The following ABCA1 variants were observed in gnomAD, a reference collection of about 807,000 sequenced individuals.
The protein encoded by ABCA1 is ATP binding cassette subfamily A member 1, also known as phospholipid-transporting ATPase ABCA1.
Under a neutral mutation model 262.5 loss-of-function variants are expected in ABCA1, and 133 were observed. The observed-to-expected ratio is 0.51, with a 90% CI of 0.44 to 0.59. The LOEUF (loss-of-function observed/expected upper bound fraction) is 0.59, where lower values mean the gene tolerates loss of function less well. ABCA1 is among the 20% of genes least tolerant of loss of function. The pLI, the probability that ABCA1 is intolerant of heterozygous loss-of-function variation, is 0.00. For synonymous variants in ABCA1, 1,022 were observed against 1,043.5 expected, an observed-to-expected ratio of 0.98 and a Z score of 0.40; for missense variants, 2,452 against 2,777.5, an observed-to-expected ratio of 0.88 and a Z score of 2.63.
intron 2 of ABCA1, among the ~76,000 whole-genome samples, chr9:104,893,229 T>C (rs1485997163): frequency 6.6e-6 from 1 of 151,490 alleles, no homozygotes; most frequent in Non-Finnish European, 1.5e-5. Flanking sequence ...AAGACCAGCC[T>C]GGTCAAAAGG....
At chr9:104,870,435 A>C (rs899671471) in intron 5 of ABCA1, among the ~76,000 whole-genome samples, 16 of 152,220 alleles carry the variant, frequency 1.1e-4, no homozygotes, top group African/African-American at 3.1e-4. Context: ...ATCAGTCAGC[A>C]CTGGAATCAG....
intron 34 of ABCA1, among the ~76,000 whole-genome samples, chr9:104,801,369 G>A (rs940446141): frequency 4.6e-5 from 7 of 151,522 alleles, no homozygotes; most frequent in African/African-American, 1.2e-4. Flanking sequence ...ACAGGCGCAC[G>A]CCACCATGCC....
intron 1 of ABCA1, among the ~76,000 whole-genome samples, chr9:104,917,352 GAGGATTTT>G (rs1841906528): frequency 6.6e-6 from 1 of 152,220 alleles, no homozygotes; most frequent in African/African-American, 2.4e-5. Context: ...GTGATATTCA[GAGGATTTT>G]AGGAGATGAA....
rs764081889 is a variant in ABCA1, at chr9:104,810,783, G to A, written c.4175+17C>T. 109 of 1,614,076 alleles carry A rather than the reference G, an allele frequency of 6.8e-5. No individual in the cohort carries two copies. Among genetic ancestry groups the A allele is most frequent in the Non-Finnish European group, 8.6e-5 (101 of 1,180,032 alleles). ...CTCGAATCTTACCCCCTCCTGGGAT[G>A]TAGAAGACAAACATACCTGACAAAT... is the stretch of plus-strand genomic sequence containing the variant. On this transcript the variant is annotated intron_variant, in intron 29 of 49. Coordinates refer to ENST00000374736, the MANE Select transcript of ABCA1 (RefSeq NM_005502.4).
At chr9:104,796,511 A>G in intron 37 of ABCA1, 87 bp from the exon 38 acceptor site, 1 of 982,814 alleles carries the variant, frequency 1.0e-6, no homozygotes, top group South Asian at 1.4e-5. Flanking sequence ...CAGACAAGAA[A>G]GGGCAGATAA....
chr9:104,881,507 T>C (rs1173389846), intron 5 of ABCA1, among the ~76,000 whole-genome samples: 1 of 152,212 alleles, frequency 6.6e-6, no homozygotes, highest in Non-Finnish European at 1.5e-5. Context: ...CACTAAGTGC[T>C]TCCTATGTGC....
In ABCA1 at chr9:104,810,141, C is replaced by CATATATATATATATAT. The variant is rs35876406; in HGVS notation, c.4176-593_4176-578dup. On this transcript the variant is annotated intron_variant, in intron 29 of 49. Coordinates refer to ENST00000374736, the MANE Select transcript of ABCA1 (RefSeq NM_005502.4). Reference sequence around the variant, plus strand: ...GAGAAAAAGAGGCCAATTCACATTACATATATATATATATATATATATATA... The same window carrying CATATATATATATATAT: ...GAGAAAAAGAGGCCAATTCACATTACATATATATATATATATATATATATATATATATATATATATA... Among the ~76,000 whole-genome samples the CATATATATATATATAT allele has an allele frequency of 4.7e-5, 6 of 126,850 alleles. No individual in the cohort carries two copies. In the East Asian group the frequency reaches 7.1e-4, roughly 15 times the overall value. The allele number at this position is 126,850 out of a possible 152,430, so 83.2% of individuals were successfully genotyped here.
chr9:104,834,270 CA>C (rs1299842398), intron 11 of ABCA1, among the ~76,000 whole-genome samples: 1 of 149,598 alleles, frequency 6.7e-6, no homozygotes, highest in Non-Finnish European at 1.5e-5. Context: ...AAAATTATTT[CA>C]GTAGGCTACA....
At chr9:104,847,617 C>T (rs902015513) in intron 7 of ABCA1, among the ~76,000 whole-genome samples, 5 of 152,156 alleles carry the variant, frequency 3.3e-5, no homozygotes, top group African/African-American at 1.2e-4. Context: ...ATTGAAATGT[C>T]CTTCCTCTGC....
intron 5 of ABCA1, among the ~76,000 whole-genome samples, chr9:104,882,028 TAAAAAAAAAAAAAAA>T (rs557626075): frequency 2.7e-5 from 2 of 73,748 alleles, no homozygotes; most frequent in Non-Finnish European, 5.2e-5. Context: ...TCTGTAGCCT[TAAAAAAAAAAAAAAA>T]AAAAAAAAAA....
chr9:104,922,793 C>T (rs1842213316), intron 1 of ABCA1, among the ~76,000 whole-genome samples: 1 of 152,154 alleles, frequency 6.6e-6, no homozygotes, highest in Non-Finnish European at 1.5e-5. Flanking sequence ...CTCAGTGCAA[C>T]CTCCGCCTCC....
chr9:104,893,200 A>C (rs1839906301), intron 2 of ABCA1, among the ~76,000 whole-genome samples: 1 of 152,126 alleles, frequency 6.6e-6, no homozygotes, highest in South Asian at 2.1e-4. Context: ...AGGTGGGTTG[A>C]TCATGAGGTC....
intron 29 of ABCA1, 77 bp downstream of exon 29, chr9:104,810,723 C>G: frequency 6.2e-7 from 1 of 1,608,206 alleles, no homozygotes. Flanking sequence ...ATTCTGAAGT[C>G]CATTCCCTTG....
In ABCA1 at chr9:104,784,521, T is replaced by C; in HGVS notation, c.6646-66A>G. 6.3e-6 allele frequency: 10 copies of C among 1,598,222 alleles called. No individual in the cohort carries two copies. In the South Asian group the frequency reaches 1.1e-4, roughly 18 times the overall value. On this transcript the variant is annotated intron_variant, in intron 49 of 49. Transcript: ENST00000374736. ...ACTTGCTCATTCTTTATTCTAGTTC[T>C]ATTTTTCCAGATGTTGAAATTAGGT...
intron 5 of ABCA1, among the ~76,000 whole-genome samples, chr9:104,879,989 G>C (rs146439254): frequency 6.6e-6 from 1 of 152,174 alleles, no homozygotes; most frequent in South Asian, 2.1e-4. Context: ...AGCTGTCTTC[G>C]ACTATTTCAA....
Position 104,814,417 on chromosome 9 carries a change from A to C in ABCA1, c.3787+10T>G, listed in dbSNP as rs749953549. On this transcript the variant is annotated intron_variant, in intron 26 of 49. Transcript: ENST00000374736. The stretch of plus-strand genomic sequence containing the variant: ...ATCTTAAGTGTGCCATTCTCCCTCA[A>C]GGCAGTTACCTGAGGTCTCAGCATC... 1.3e-5 allele frequency: 21 copies of C among 1,613,872 alleles called. No individual in the cohort carries two copies. The highest frequency in any genetic ancestry group is 1.8e-5 in the Non-Finnish European group (21 of 1,179,844).
intron 11 of ABCA1, 48 bp downstream of exon 11, chr9:104,836,932 C>T (rs1833864040): frequency 6.9e-7 from 1 of 1,450,410 alleles, no homozygotes; most frequent in African/African-American, 1.4e-5. Flanking sequence ...AGAAACTCAC[C>T]TCTCCAGTAT....
At chr9:104,865,150 C>A (rs1836974265) in intron 5 of ABCA1, among the ~76,000 whole-genome samples, 1 of 152,248 alleles carries the variant, frequency 6.6e-6, no homozygotes, top group East Asian at 1.9e-4. Flanking sequence ...GTGTAGTATA[C>A]TGGTTCTCAA....
chr9:104,821,311 C>T, intron 20 of ABCA1, 64 bp downstream of exon 20: 1 of 1,595,594 alleles, frequency 6.3e-7, no homozygotes, highest in Non-Finnish European at 8.6e-7. Context: ...CCCACTCCTC[C>T]CATGATGGCA....
Sources: gnomAD v4.1 joint callset for allele counts (sites outside exome capture counted in the v4.1 genomes callset) on GRCh38, gnomAD v4.1.1 for gene constraint, MANE v1.5 for transcripts, NCBI Gene and HGNC (gene_info 2026-07-23, HGNC 2026-07-21) for gene names.